IMPG1: variants seen among roughly 807,000 people sequenced by gnomAD.
IMPG1 encodes the protein interphotoreceptor matrix proteoglycan 1.
Under a neutral mutation model 92.0 loss-of-function variants are expected in IMPG1, and 85 were observed. That is an observed-to-expected ratio of 0.92 (90% CI 0.78 to 1.11). The LOEUF (loss-of-function observed/expected upper bound fraction) is 1.11, where lower values mean the gene tolerates loss of function less well. Among genes scored for constraint, IMPG1 ranks in the 50% least tolerant of loss-of-function variants. The pLI, the probability that IMPG1 is intolerant of heterozygous loss-of-function variation, is 0.00. For missense variants in IMPG1, 1,022 were observed against 956.0 expected, an observed-to-expected ratio of 1.07 and a Z score of -0.91; for synonymous variants, 367 against 334.1, an observed-to-expected ratio of 1.10 and a Z score of -1.08.
intron 4 of IMPG1, among the ~76,000 whole-genome samples, chr6:76,025,517 G>A (rs1783509939): frequency 6.6e-6 from 1 of 151,996 alleles, no homozygotes; most frequent in Admixed American, 6.6e-5. Flanking sequence ...TGTGGTCCTG[G>A]GGTTCTGTGG....
intron 14 of IMPG1, among the ~76,000 whole-genome samples, chr6:75,938,459 T>C (rs563749876): frequency 1.3e-5 from 2 of 152,210 alleles, no homozygotes; most frequent in Non-Finnish European, 2.9e-5. Flanking sequence ...TTGCAAATGA[T>C]ACTAAATAAA....
intron 14 of IMPG1, among the ~76,000 whole-genome samples, chr6:75,946,819 T>A (rs958093394): frequency 9.9e-5 from 15 of 152,238 alleles, no homozygotes; most frequent in African/African-American, 3.6e-4. Context: ...AGTTTGAATT[T>A]TTATCTAATG....
chr6:75,983,115 T>C (rs1782655954), intron 12 of IMPG1, among the ~76,000 whole-genome samples: 1 of 151,858 alleles, frequency 6.6e-6, no homozygotes, highest in Non-Finnish European at 1.5e-5. Context: ...CAAATGATTA[T>C]GCAGTTTAGT....
At chr6:76,064,736 C>G (rs1184995817) in intron 1 of IMPG1, among the ~76,000 whole-genome samples, 1 of 152,172 alleles carries the variant, frequency 6.6e-6, no homozygotes, top group Non-Finnish European at 1.5e-5. Flanking sequence ...TGGAGAACCT[C>G]TCCTGGTAAA....
At chr6:75,964,977 CT>C (rs1481844586) in intron 12 of IMPG1, among the ~76,000 whole-genome samples, 2 of 152,046 alleles carry the variant, frequency 1.3e-5, no homozygotes, top group African/African-American at 4.8e-5. Flanking sequence ...GTGGGATTGG[CT>C]TTTCTTACTC....
chr6:75,950,644 A>G lies in IMPG1; in HGVS notation c.1742T>C (p.Val581Ala). ...GTCGTTGGAGAAGGCCATGTTAGCA[A>G]CACGCAGACTGAAGAACACTACCAG... ...RELVVFFSLR[V>A]ANMAFSNDLF... The change falls in exon 13 of 17, where the codon GTT (valine) becomes GCT (alanine). Residue 581 changes from valine to alanine, a missense_variant. Coordinates refer to ENST00000369950, the MANE Select transcript of IMPG1 (RefSeq NM_001563.4). The G allele has an allele frequency of 1.9e-6, 3 of 1,613,920 alleles. No homozygotes were observed. The highest frequency in any genetic ancestry group is 2.5e-6 in the Non-Finnish European group (3 of 1,179,874).
At chr6:75,993,766 T>C (rs1236277803) in intron 12 of IMPG1, among the ~76,000 whole-genome samples, 1 of 152,232 alleles carries the variant, frequency 6.6e-6, no homozygotes, top group Non-Finnish European at 1.5e-5. Context: ...TTTGTTAAAA[T>C]AGTCACAGTG....
At chr6:75,924,579 A>ATATGATATATC (rs1300165891) in intron 15 of IMPG1, among the ~76,000 whole-genome samples, 4 of 23,672 alleles carry the variant, frequency 1.7e-4, no homozygotes, top group African/African-American at 4.8e-4. Flanking sequence ...ATATATAATT[A>ATATGATATATC]ATATAATTAT....
At chr6:75,951,164 C>A (rs1291282722) in intron 12 of IMPG1, 70 bp from the exon 13 acceptor site, 1 of 1,194,168 alleles carries the variant, frequency 8.4e-7, no homozygotes, top group East Asian at 2.4e-5. Context: ...AAAAGAAAAT[C>A]CAAAATTAAG....
chr6:76,069,726 G>A (rs773020019), intron 1 of IMPG1, among the ~76,000 whole-genome samples: 2 of 128,970 alleles, frequency 1.6e-5, no homozygotes, highest in Non-Finnish European at 3.3e-5. Context: ...ATCAACCTAG[G>A]TGCCCATCAT....
intron 1 of IMPG1, among the ~76,000 whole-genome samples, chr6:76,052,230 AG>A (rs1206864841): frequency 3.9e-5 from 6 of 152,160 alleles, no homozygotes; most frequent in African/African-American, 1.4e-4. Flanking sequence ...GGAGTCTAGC[AG>A]GGCCATGTTT....
chr6:75,982,583 A>G (rs1030762636), intron 12 of IMPG1, among the ~76,000 whole-genome samples: 6 of 150,650 alleles, frequency 4.0e-5, no homozygotes, highest in African/African-American at 1.5e-4. Context: ...ATAGATATAT[A>G]TAGATATATA....
chr6:75,958,855 A>T (rs924337952), intron 12 of IMPG1, among the ~76,000 whole-genome samples: 1 of 151,506 alleles, frequency 6.6e-6, no homozygotes, highest in Non-Finnish European at 1.5e-5. Context: ...GTTATTATCC[A>T]CCTTCTGAAG....
chr6:76,043,602 T>TA (rs1393438080), intron 1 of IMPG1, among the ~76,000 whole-genome samples: 1 of 152,182 alleles, frequency 6.6e-6, no homozygotes, highest in Non-Finnish European at 1.5e-5. Context: ...CTGTGTAGAA[T>TA]ACGGGCATCA....
rs538163474 is a variant in IMPG1 at position 76,067,063 on chromosome 6, G to C, written c.67+5359C>G. 5.3e-5 allele frequency among the ~76,000 whole-genome samples: 8 copies of C among 152,148 alleles called. No individual in the cohort carries two copies. The South Asian group carries it at 1.7e-3, about 32-fold the overall frequency. Reference sequence around the variant, plus strand: ...AGCAGTGCTAAGAGAGAAGTTTATAGTGTTTTATGCTTACATGAAAAGATA... The same window carrying C: ...AGCAGTGCTAAGAGAGAAGTTTATACTGTTTTATGCTTACATGAAAAGATA... On this transcript the variant is annotated intron_variant, in intron 1 of 16. Coordinates refer to ENST00000369950, the MANE Select transcript of IMPG1 (RefSeq NM_001563.4).
chr6:75,974,367 CTTTCT>C (rs1782482189), intron 12 of IMPG1, among the ~76,000 whole-genome samples: 1 of 92,278 alleles, frequency 1.1e-5, no homozygotes, highest in Non-Finnish European at 2.3e-5. Context: ...TTCTTTCTTT[CTTTCT>C]TTCTTTCTTT....
chr6:76,065,885 C>A (rs907059048), intron 1 of IMPG1, among the ~76,000 whole-genome samples: 1 of 152,080 alleles, frequency 6.6e-6, no homozygotes, highest in Admixed American at 6.6e-5. Context: ...GACTTCTCAG[C>A]AGAAACCTTA....
intron 15 of IMPG1, among the ~76,000 whole-genome samples, chr6:75,925,106 G>T (rs1181245236): frequency 6.6e-6 from 1 of 151,716 alleles, no homozygotes; most frequent in African/African-American, 2.4e-5. Context: ...CTAGAAGAGA[G>T]GATTTTGAAT....
intron 4 of IMPG1, among the ~76,000 whole-genome samples, chr6:76,025,510 G>T: frequency 6.6e-6 from 1 of 151,742 alleles, no homozygotes; most frequent in Non-Finnish European, 1.5e-5. Context: ...TTTTTTTTGT[G>T]GTCCTGGGGT....
Sources: allele counts gnomAD v4.1 joint callset (sites outside exome capture counted in the v4.1 genomes callset), GRCh38; gene constraint gnomAD v4.1.1; transcripts MANE v1.5; gene names NCBI Gene and HGNC (gene_info 2026-07-23, HGNC 2026-07-21).